CEP83: variants seen among roughly 807,000 people sequenced by gnomAD.
CEP83 encodes centrosomal protein of 83 kDa.
Under a neutral mutation model 101.9 loss-of-function variants are expected in CEP83, and 70 were observed. The observed-to-expected ratio is 0.69, with a 90% CI of 0.57 to 0.84. CEP83 has a LOEUF of 0.84. Ranked by LOEUF, CEP83 falls within the 40% of genes least tolerant of loss-of-function variation. The pLI, the probability that CEP83 is intolerant of heterozygous loss-of-function variation, is 0.00. For missense variants in CEP83, 715 were observed against 787.2 expected (o/e 0.91, Z 1.10); for synonymous variants, 264 against 267.9 (o/e 0.99, Z 0.14).
At chr12:94,313,286 A>C in intron 14 of CEP83, 1 of 229,380 alleles carries the variant, frequency 4.4e-6, no homozygotes, top group Non-Finnish European at 8.4e-6. Context: ...AAAATCTACA[A>C]AGGGAAGGAG....
chr12:94,285,486 G>C, the CEP83 span, among the ~76,000 whole-genome samples: 6 of 152,186 alleles, frequency 3.9e-5, no homozygotes, highest in African/African-American at 1.4e-4. Flanking sequence ...CTAGCAACTT[G>C]CCCCGTGCTC....
At chr12:94,380,071 C>CAAAA (rs11362391) in intron 6 of CEP83, among the ~76,000 whole-genome samples, 1 of 83,188 alleles carries the variant, frequency 1.2e-5, no homozygotes, top group Non-Finnish European at 2.4e-5. Context: ...CCCGGCCCTG[C>CAAAA]AAAAAAAAAA....
At chr12:94,433,502 G>GAAA (rs2065788826) in intron 2 of CEP83, among the ~76,000 whole-genome samples, 1 of 151,914 alleles carries the variant, frequency 6.6e-6, no homozygotes, top group Non-Finnish European at 1.5e-5. Flanking sequence ...GCAACATGGT[G>GAAA]AAAGCCTGTT....
the CEP83 span, among the ~76,000 whole-genome samples, chr12:94,295,367 G>A: frequency 1.3e-5 from 2 of 152,208 alleles, no homozygotes; most frequent in African/African-American, 2.4e-5. Context: ...CTGTGGTGAA[G>A]CCATCTTGCA....
chr12:94,362,752 G>A (rs2060833548), intron 11 of CEP83, among the ~76,000 whole-genome samples: 1 of 152,200 alleles, frequency 6.6e-6, no homozygotes, highest in South Asian at 2.1e-4. Flanking sequence ...GTTTACTGTA[G>A]AACTATTCAC....
At chr12:94,297,890 G>GTGA in the CEP83 span, among the ~76,000 whole-genome samples, 1 of 152,188 alleles carries the variant, frequency 6.6e-6, no homozygotes, top group East Asian at 1.9e-4. Context: ...AGTGTCAGAT[G>GTGA]TGAAAGCCGG....
chr12:94,455,777 GCTCACAC>G (rs2067623192), intron 1 of CEP83, among the ~76,000 whole-genome samples: 1 of 152,130 alleles, frequency 6.6e-6, no homozygotes, highest in Non-Finnish European at 1.5e-5. Flanking sequence ...GGGCGCATTG[GCTCACAC>G]CTACAATCCC....
At chr12:94,406,807 G>A (rs147977925) in intron 4 of CEP83, among the ~76,000 whole-genome samples, 2 of 151,542 alleles carry the variant, frequency 1.3e-5, no homozygotes, top group African/African-American at 4.8e-5. Flanking sequence ...GGCACCTATA[G>A]TCCCAGCTAC....
intron 11 of CEP83, among the ~76,000 whole-genome samples, chr12:94,352,532 G>T (rs970472643): frequency 6.6e-6 from 1 of 150,926 alleles, no homozygotes; most frequent in Non-Finnish European, 1.5e-5. Context: ...TGCCTGAAAA[G>T]AAATTAAAAA....
At chr12:94,285,539 C>T in the CEP83 span, among the ~76,000 whole-genome samples, 1 of 152,210 alleles carries the variant, frequency 6.6e-6, no homozygotes, top group African/African-American at 2.4e-5. Flanking sequence ...AATCATCTTG[C>T]CAAGAGCAGT....
intron 2 of CEP83, among the ~76,000 whole-genome samples, chr12:94,429,526 C>T (rs2065460034): frequency 6.6e-6 from 1 of 152,182 alleles, no homozygotes; most frequent in African/African-American, 2.4e-5. Context: ...GCACCTGTCT[C>T]TTCACATCCC....
intron 2 of CEP83, among the ~76,000 whole-genome samples, chr12:94,413,029 T>C (rs2064006712): frequency 6.6e-6 from 1 of 152,058 alleles, no homozygotes; most frequent in Non-Finnish European, 1.5e-5. Context: ...ATTTTTTGTA[T>C]TTTTAGTAGA....
At chr12:94,395,728 G>A (rs1306382182) in intron 6 of CEP83, among the ~76,000 whole-genome samples, 4 of 152,218 alleles carry the variant, frequency 2.6e-5, no homozygotes, top group Non-Finnish European at 5.9e-5. Flanking sequence ...GGCTGAGGCA[G>A]GAGAATGGCA....
At chr12:94,418,840 AAAAT>A (rs1454958188) in intron 2 of CEP83, among the ~76,000 whole-genome samples, 1 of 152,218 alleles carries the variant, frequency 6.6e-6, no homozygotes, top group Non-Finnish European at 1.5e-5. Flanking sequence ...AAAAAAGAGA[AAAAT>A]AAACCTAGCA....
intron 11 of CEP83, among the ~76,000 whole-genome samples, chr12:94,352,599 G>A (rs1057328467): frequency 6.6e-6 from 1 of 151,954 alleles, no homozygotes. Flanking sequence ...AAAATTCAAC[G>A]AAATCAGGAA....
At chr12:94,400,041 T>C (rs1376378317) in intron 6 of CEP83, among the ~76,000 whole-genome samples, 1 of 152,180 alleles carries the variant, frequency 6.6e-6, no homozygotes, top group African/African-American at 2.4e-5. Context: ...TATTTAGTAA[T>C]TGGTAAAGGA....
At chr12:94,454,802 C>T (rs11107543) in intron 1 of CEP83, among the ~76,000 whole-genome samples, 3,404 of 151,712 alleles carry the variant, frequency 0.022, 40 homozygotes, top group East Asian at 0.07. Context: ...CCGGACGCGC[C>T]ACCTTTAAGA....
the CEP83 span, among the ~76,000 whole-genome samples, chr12:94,271,611 C>G: frequency 6.6e-6 from 1 of 152,238 alleles, no homozygotes; most frequent in African/African-American, 2.4e-5. Flanking sequence ...CTCAACCTCT[C>G]AAAACCTGTT....
At chr12:94,425,983 G>T (rs574968379) in intron 2 of CEP83, among the ~76,000 whole-genome samples, 1 of 152,148 alleles carries the variant, frequency 6.6e-6, no homozygotes, top group South Asian at 2.1e-4. Flanking sequence ...TTAGCTGGGC[G>T]TGGTGACAGG....
Sources: allele counts gnomAD v4.1 joint callset (sites outside exome capture counted in the v4.1 genomes callset), GRCh38; gene constraint gnomAD v4.1.1; transcripts MANE v1.5; gene names NCBI Gene and HGNC (gene_info 2026-07-23, HGNC 2026-07-21).